Variants in NAV2 observed in about 807,000 individuals in gnomAD.
NAV2 encodes the protein helicase, APC down-regulated 1.
A neutral mutation model predicts 223.2 loss-of-function variants in NAV2; 54 were observed. The observed-to-expected ratio is 0.24, with a 90% CI of 0.19 to 0.30. The LOEUF is 0.30. Among genes scored for constraint, NAV2 ranks in the 10% least tolerant of loss-of-function variants. NAV2 has a pLI of 1.00. For missense variants in NAV2, 2,806 were observed against 3,147.5 expected (o/e 0.89, Z 2.60); for synonymous variants, 1,279 against 1,239.3 (o/e 1.03, Z -0.67).
intron 10 of NAV2, among the ~76,000 whole-genome samples, chr11:19,977,131 G>C (rs573775742): frequency 6.6e-6 from 1 of 152,300 alleles, no homozygotes; most frequent in South Asian, 2.1e-4. Flanking sequence ...CTCTGTCAGC[G>C]GTTGTTGGAA....
At chr11:19,638,847 G>A (rs1483250487) in intron 1 of NAV2, among the ~76,000 whole-genome samples, 2 of 152,132 alleles carry the variant, frequency 1.3e-5, no homozygotes, top group African/African-American at 4.8e-5. Context: ...ACAAAAGTTA[G>A]CCAGGCGTGG....
intron 1 of NAV2, among the ~76,000 whole-genome samples, chr11:19,426,462 AT>A (rs1184501459): frequency 1.1e-4 from 17 of 152,346 alleles, no homozygotes; most frequent in South Asian, 2.1e-4. Context: ...CAGAAAAAAA[AT>A]ATTCGCCTTT....
At chr11:19,883,166 G>A (rs963455695) in intron 5 of NAV2, among the ~76,000 whole-genome samples, 2 of 152,196 alleles carry the variant, frequency 1.3e-5, no homozygotes, top group Non-Finnish European at 2.9e-5. Context: ...CTATTTTGAA[G>A]CTATCTAGGT....
At chr11:19,797,307 G>A (rs1330407864) in intron 1 of NAV2, among the ~76,000 whole-genome samples, 4 of 152,136 alleles carry the variant, frequency 2.6e-5, no homozygotes, top group Non-Finnish European at 4.4e-5. Flanking sequence ...TAGGCTCTCA[G>A]TATGGCCACC....
Position 20,048,915 on chromosome 11 carries a change from C to A in NAV2, c.4090C>A (p.Gln1364Lys). ...CTACAGCAAGAATGTGGACCTCAAC[C>A]AGTCTCCGCTAGCCTCCAGCCCCAG... The part of the protein sequence containing the change: ...PLYSKNVDLN[Q>K]SPLASSPSSA... The change falls in exon 15 of 38, where the codon CAG becomes AAG. Residue 1364 changes from glutamine (Q) to lysine (K), a missense_variant. By Grantham distance (53) the Gln-to-Lys change is moderately conservative (BLOSUM62 1). This residue lies in a region of NAV2 where 742 missense variants were observed against 777.9 expected (regional missense o/e 0.95). Coordinates refer to ENST00000349880, the MANE Select transcript of NAV2 (RefSeq NM_145117.5). The A allele has an allele frequency of 6.2e-7, 1 of 1,614,194 alleles. No individual in the cohort carries two copies. Among genetic ancestry groups the A allele is most frequent in the South Asian group, 1.1e-5 (1 of 91,064 alleles).
chr11:19,994,086 G>C (rs1019080176), intron 11 of NAV2, among the ~76,000 whole-genome samples: 2 of 152,176 alleles, frequency 1.3e-5, no homozygotes, highest in South Asian at 4.1e-4. Flanking sequence ...GTCCTATACT[G>C]GGAACTTGCT....
intron 1 of NAV2, among the ~76,000 whole-genome samples, chr11:19,549,306 T>C (rs1375894125): frequency 1.3e-5 from 2 of 152,160 alleles, no homozygotes; most frequent in Non-Finnish European, 2.9e-5. Flanking sequence ...AAAAAGGTGA[T>C]CCTCCTGGAG....
At position 19,850,850 on chromosome 11, in the gene NAV2, T is replaced by C. The variant is rs567738189; in HGVS notation, c.438+7927T>C. On this transcript the variant is annotated intron_variant, in intron 3 of 37. Transcript: ENST00000349880. ...CATGTTTTAACTCATTTTATTCTCA[T>C]AACCATCCTATAGAATGAGGAATAT... Among the ~76,000 whole-genome samples, 3 of 152,342 alleles carry C rather than the reference T, an allele frequency of 2.0e-5. No individual in the cohort carries two copies. The South Asian group carries it at 6.2e-4, about 32-fold the overall frequency.
intron 19 of NAV2, among the ~76,000 whole-genome samples, chr11:20,058,754 T>G (rs963553370): frequency 5.3e-5 from 8 of 152,350 alleles, no homozygotes; most frequent in Non-Finnish European, 1.0e-4. Flanking sequence ...TCAGCCTGTT[T>G]CCTATTCACT....
chr11:19,661,069 C>T (rs1399185629), intron 1 of NAV2, among the ~76,000 whole-genome samples: 1 of 152,150 alleles, frequency 6.6e-6, no homozygotes, highest in Non-Finnish European at 1.5e-5. Flanking sequence ...CAAACTGAAA[C>T]TCTCTACCCC....
intron 6 of NAV2, among the ~76,000 whole-genome samples, chr11:19,923,911 A>G (rs2204883): frequency 0.99 from 150,348 of 152,316 alleles, 74,231 homozygotes; most frequent in Middle Eastern, 1. Context: ...GAAAGGATGT[A>G]TTTTGAGGGT....
At chr11:20,079,912 C>G in intron 24 of NAV2, 152 bp from the exon 25 acceptor site, 2 of 737,662 alleles carry the variant, frequency 2.7e-6, no homozygotes, top group East Asian at 5.4e-5. Flanking sequence ...ATTCAAGGAT[C>G]TTAGAAACAG....
chr11:19,933,257 C>T lies in NAV2; in HGVS notation c.1013C>T (p.Thr338Ile). Reference sequence around the variant, plus strand: ...TCCTTGGAGAGCGGCAGCAGCTCCACCCCTACTAATTGCAGTACCTCCTCG... The same window carrying T: ...TCCTTGGAGAGCGGCAGCAGCTCCATCCCTACTAATTGCAGTACCTCCTCG... ...PASLESGSSS[T>I]PTNCSTSSAI... The change falls in exon 7 of 38, where the codon ACC becomes ATC. Residue 338 changes from threonine to isoleucine, a missense_variant. Thr to Ile is a moderately conservative substitution (Grantham distance 89). Coordinates refer to ENST00000349880, the MANE Select transcript of NAV2 (RefSeq NM_145117.5). The surrounding 1 kb of genome is among the most constrained non-coding windows in gnomAD (Gnocchi z 4.3). 6.2e-7 allele frequency: 1 copy of T among 1,611,326 alleles called. No homozygotes were observed. Among genetic ancestry groups the T allele is most frequent in the African/African-American group, 1.3e-5 (1 of 74,898 alleles).
intron 1 of NAV2, among the ~76,000 whole-genome samples, chr11:19,589,098 C>T (rs1344226799): frequency 6.6e-6 from 1 of 152,178 alleles, no homozygotes; most frequent in Admixed American, 6.5e-5. Flanking sequence ...GACATTGAAT[C>T]ACGGCCCTCA....
chr11:19,824,502 G>C (rs1489250808), intron 1 of NAV2, among the ~76,000 whole-genome samples: 2 of 152,230 alleles, frequency 1.3e-5, no homozygotes, highest in Non-Finnish European at 2.9e-5. Context: ...CTGTTGTGCT[G>C]TGCAGCCTTG....
chr11:19,521,366 G>A (rs1231408469), intron 1 of NAV2, among the ~76,000 whole-genome samples: 1 of 152,192 alleles, frequency 6.6e-6, no homozygotes, highest in Non-Finnish European at 1.5e-5. Flanking sequence ...GCAGCAGAGA[G>A]CCAAGCTTTG....
chr11:19,569,960 G>A (rs1036722082), intron 1 of NAV2, among the ~76,000 whole-genome samples: 1 of 152,190 alleles, frequency 6.6e-6, no homozygotes, highest in Non-Finnish European at 1.5e-5. Flanking sequence ...TATTCAACCA[G>A]GTGGCTGTCT....
At chr11:19,493,993 C>T (rs2042714889) in intron 1 of NAV2, among the ~76,000 whole-genome samples, 1 of 152,230 alleles carries the variant, frequency 6.6e-6, no homozygotes, top group South Asian at 2.1e-4. Flanking sequence ...CTGGCTGGAT[C>T]TGTAGCTGTG....
intron 10 of NAV2, among the ~76,000 whole-genome samples, chr11:19,969,184 C>T (rs895203037): frequency 1.3e-5 from 2 of 152,228 alleles, no homozygotes; most frequent in Non-Finnish European, 2.9e-5. Flanking sequence ...ATACTGCTTT[C>T]ACTTTTCTAA....
Sources: gnomAD v4.1 joint callset for allele counts (sites outside exome capture counted in the v4.1 genomes callset) on GRCh38, gnomAD v4.1.1 for gene constraint, gnomAD v4.1.1 regional missense constraint, Gnocchi (gnomAD v3.1) non-coding constraint, MANE v1.5 for transcripts, NCBI Gene and HGNC (gene_info 2026-07-23, HGNC 2026-07-21) for gene names.